The following BANK1 variants were observed in gnomAD, a reference collection of about 807,000 sequenced individuals.
BANK1 encodes B-cell scaffold protein with ankyrin repeats.
A neutral mutation model predicts 94.5 loss-of-function variants in BANK1; 95 were observed. That is an observed-to-expected ratio of 1.00 (90% CI 0.85 to 1.19). The LOEUF is 1.19. Ranked by LOEUF, BANK1 falls within the 50% of genes most tolerant of loss-of-function variation. The pLI is 0.00. For missense variants in BANK1, 987 were observed against 932.2 expected, an observed-to-expected ratio of 1.06 and a Z score of -0.77; for synonymous variants, 334 against 308.4, an observed-to-expected ratio of 1.08 and a Z score of -0.87.
chr4:101,930,420 C>T (rs539807632), intron 7 of BANK1, among the ~76,000 whole-genome samples: 1 of 151,550 alleles, frequency 6.6e-6, no homozygotes, highest in African/African-American at 2.4e-5. Flanking sequence ...AGACAAGTCA[C>T]TGGTCTCATG....
chr4:102,007,738 T>C (rs1398807065), intron 7 of BANK1, among the ~76,000 whole-genome samples: 10 of 152,154 alleles, frequency 6.6e-5, no homozygotes, highest in Non-Finnish European at 1.5e-5. Context: ...TAAAGAATTT[T>C]CTATATTTCT....
intron 2 of BANK1, among the ~76,000 whole-genome samples, chr4:101,842,167 C>A (rs1727072670): frequency 6.6e-6 from 1 of 152,182 alleles, no homozygotes; most frequent in Non-Finnish European, 1.5e-5. Context: ...ATTCTTTGTG[C>A]AAGACCTATG....
intron 6 of BANK1, among the ~76,000 whole-genome samples, chr4:101,897,925 T>G (rs1480315608): frequency 6.6e-6 from 1 of 151,892 alleles, no homozygotes; most frequent in South Asian, 2.1e-4. Flanking sequence ...ATATGAAAGT[T>G]TTGAACCATC....
chr4:101,917,885 C>A, intron 6 of BANK1, 108 bp from the exon 7 acceptor site: 1 of 678,040 alleles, frequency 1.5e-6, no homozygotes, highest in Non-Finnish European at 2.4e-6. Context: ...CACAAAAAGT[C>A]TGCTGTGCTT....
rs1468176092 is a variant in BANK1, at chr4:102,063,154, C to G, written c.2212+16C>G. 1 of 1,601,132 alleles carries G rather than the reference C, an allele frequency of 6.2e-7. No individual in the cohort carries two copies. Among genetic ancestry groups the G allele is most frequent in the Non-Finnish European group, 8.6e-7 (1 of 1,168,674 alleles). On this transcript the variant is annotated intron_variant, in intron 13 of 16. Coordinates refer to ENST00000322953, the MANE Select transcript of BANK1 (RefSeq NM_017935.5). ...AATGTCTATAGTAAGTAAGATTCGCCTGCTATTCAAAAATAATAGAGTGAT... is the reference window on the plus strand; with the variant it reads ...AATGTCTATAGTAAGTAAGATTCGCGTGCTATTCAAAAATAATAGAGTGAT...
intron 7 of BANK1, among the ~76,000 whole-genome samples, chr4:101,996,479 C>T (rs1195480119): frequency 6.6e-6 from 1 of 152,084 alleles, no homozygotes; most frequent in East Asian, 1.9e-4. Context: ...TCAATGGTAG[C>T]TTGATGGGGA....
intron 10 of BANK1, among the ~76,000 whole-genome samples, chr4:102,035,432 A>AG (rs1468153287): frequency 1.3e-5 from 2 of 152,024 alleles, no homozygotes; most frequent in African/African-American, 4.8e-5. Context: ...GCGGATCACG[A>AG]GGTCAGGAGA....
chr4:101,937,482 T>G (rs547097404), intron 7 of BANK1, among the ~76,000 whole-genome samples: 2 of 151,874 alleles, frequency 1.3e-5, no homozygotes, highest in South Asian at 2.1e-4. Context: ...AACAAACATA[T>G]GAAAAAATGT....
At chr4:101,905,178 T>C (rs749394045) in intron 6 of BANK1, among the ~76,000 whole-genome samples, 1 of 152,228 alleles carries the variant, frequency 6.6e-6, no homozygotes, top group Non-Finnish European at 1.5e-5. Context: ...GACTCCTGTA[T>C]GTATTTGTAC....
intron 11 of BANK1, among the ~76,000 whole-genome samples, chr4:102,053,922 C>A (rs990814283): frequency 1.3e-5 from 2 of 151,156 alleles, no homozygotes; most frequent in Non-Finnish European, 3.0e-5. Flanking sequence ...AAAAAGTAAC[C>A]ACTACTTTCA....
intron 11 of BANK1, among the ~76,000 whole-genome samples, chr4:102,049,745 G>A (rs1338268645): frequency 6.6e-6 from 1 of 152,158 alleles, no homozygotes; most frequent in African/African-American, 2.4e-5. Flanking sequence ...TCTCTTAATA[G>A]ACAGAAAACA....
chr4:101,949,977 CAAGGATGCCTAT>C (rs1215521447), intron 7 of BANK1, among the ~76,000 whole-genome samples: 3 of 151,446 alleles, frequency 2.0e-5, no homozygotes, highest in Admixed American at 6.6e-5. Context: ...TAACTATGGG[CAAGGATGCCTAT>C]AAACTACATT....
At chr4:101,913,676 T>A (rs1315557752) in intron 6 of BANK1, among the ~76,000 whole-genome samples, 1 of 152,220 alleles carries the variant, frequency 6.6e-6, no homozygotes, top group Non-Finnish European at 1.5e-5. Context: ...ACCTGCCACA[T>A]CCTTGTTCTG....
At chr4:102,052,500 A>AAAG (rs1004848434) in intron 11 of BANK1, among the ~76,000 whole-genome samples, 4 of 151,982 alleles carry the variant, frequency 2.6e-5, no homozygotes, top group African/African-American at 4.8e-5. Context: ...TTTTTTTTGT[A>AAAG]AAGACTCAGA....
At chr4:101,970,139 C>T (rs1724903730) in intron 7 of BANK1, among the ~76,000 whole-genome samples, 1 of 152,124 alleles carries the variant, frequency 6.6e-6, no homozygotes, top group African/African-American at 2.4e-5. Context: ...CCAGCTGACT[C>T]TAGGTTGAAC....
intron 7 of BANK1, among the ~76,000 whole-genome samples, chr4:101,999,084 A>T (rs1725974304): frequency 6.6e-6 from 1 of 152,120 alleles, no homozygotes; most frequent in Non-Finnish European, 1.5e-5. Context: ...TTTGCCTAGA[A>T]ATTTTATGAC....
rs568780844 is a variant in BANK1 at position 101,844,544 on chromosome 4, G to C, written c.470-10491G>C. On this transcript the variant is annotated intron_variant, in intron 2 of 16. Coordinates refer to ENST00000322953, the MANE Select transcript of BANK1 (RefSeq NM_017935.5). ...ACAAGATGTAGGTGGATCTGCCAAAGGTCTTTTACCCTCAGTGCAAAGTAT... is the reference window on the plus strand; with the variant it reads ...ACAAGATGTAGGTGGATCTGCCAAACGTCTTTTACCCTCAGTGCAAAGTAT... Among the ~76,000 whole-genome samples, 30 of 152,316 alleles carry C rather than the reference G, an allele frequency of 2.0e-4. No homozygotes were observed. In the East Asian group the frequency reaches 5.4e-3, roughly 27 times the overall value.
intron 7 of BANK1, among the ~76,000 whole-genome samples, chr4:101,957,242 A>G (rs1480308706): frequency 6.6e-6 from 1 of 152,146 alleles, no homozygotes. Context: ...TCAGCTGTTC[A>G]TCCTTTCCCT....
chr4:101,851,205 G>T (rs1727462303), intron 2 of BANK1, among the ~76,000 whole-genome samples: 2 of 152,092 alleles, frequency 1.3e-5, no homozygotes. Flanking sequence ...CAAATGATAA[G>T]AAAGCAAAAC....
Sources: allele counts gnomAD v4.1 joint callset (sites outside exome capture counted in the v4.1 genomes callset), GRCh38; gene constraint gnomAD v4.1.1; transcripts MANE v1.5; gene names NCBI Gene and HGNC (gene_info 2026-07-23, HGNC 2026-07-21).